The following TTLL5 variants were observed in gnomAD, a reference collection of about 807,000 sequenced individuals.
TTLL5 encodes tubulin tyrosine ligase like 5.
In TTLL5, 132 loss-of-function variants were observed where a neutral mutation model predicts 168.4. That is an observed-to-expected ratio of 0.78 (90% confidence interval 0.68 to 0.91). The LOEUF (loss-of-function observed/expected upper bound fraction) is 0.91. Among genes scored for constraint, TTLL5 ranks in the 40% least tolerant of loss-of-function variants. The pLI is 0.00. For synonymous variants in TTLL5, 546 were observed against 558.6 expected (o/e 0.98, Z 0.32); for missense variants, 1,545 against 1,581.5 (o/e 0.98, Z 0.39).
Position 75,776,658 on chromosome 14 carries a change from A to G in TTLL5, c.2284-89A>G, listed in dbSNP as rs1490170171. The stretch of plus-strand genomic sequence containing the variant: ...CTTTACTATAAGGACAGATTAACTC[A>G]AGGCTATTGAAACTACATGATGAAG... On this transcript the variant is annotated intron_variant, in intron 22 of 31. Transcript: ENST00000298832. 3.4e-6 allele frequency: 3 copies of G among 890,486 alleles called. No homozygotes were observed. In the African/African-American group the frequency reaches 5.0e-5, roughly 15 times the overall value. 55.2% of individuals were successfully genotyped at this position (890,486 alleles called of 1,614,324 possible). A position where few individuals can be genotyped will look rare whatever the true frequency, so the allele number is the denominator to read the frequency against.
chr14:75,788,169 G>GA (rs1892487634), intron 26 of TTLL5, among the ~76,000 whole-genome samples: 1 of 152,008 alleles, frequency 6.6e-6, no homozygotes, highest in Non-Finnish European at 1.5e-5. Context: ...ACTTATATTT[G>GA]AAAAGAAGAC....
chr14:75,884,832 A>G (rs2032015533), intron 30 of TTLL5, among the ~76,000 whole-genome samples: 1 of 151,938 alleles, frequency 6.6e-6, no homozygotes, highest in Non-Finnish European at 1.5e-5. Flanking sequence ...TCATCTGAAC[A>G]GTGAAAAGTT....
intron 7 of TTLL5, among the ~76,000 whole-genome samples, chr14:75,700,137 T>G (rs1566819314): frequency 6.6e-6 from 1 of 152,156 alleles, no homozygotes. Flanking sequence ...ACTCTTGGAC[T>G]TCTAAAGGGG....
chr14:75,707,510 T>C, intron 8 of TTLL5, 113 bp from the exon 9 acceptor site: 2 of 795,982 alleles, frequency 2.5e-6, no homozygotes, highest in East Asian at 5.3e-5. Flanking sequence ...GTGTGTTTCA[T>C]GTGGAGTGTA....
rs763428784 is a variant in TTLL5 at position 75,699,270 on chromosome 14, T to C, written c.585T>C (p.Asn195=). The C allele has an allele frequency of 2.2e-5, 35 of 1,613,510 alleles. No individual in the cohort carries two copies. Among genetic ancestry groups the C allele is most frequent in the Non-Finnish European group, 2.5e-5 (30 of 1,179,684 alleles). Residue 195 remains asparagine (N), a splice_region_variant and synonymous_variant, in exon 7 of 32, where the codon AAT becomes AAC. Coordinates refer to ENST00000298832, the MANE Select transcript of TTLL5 (RefSeq NM_015072.5). The part of the protein sequence containing the change: ...SRGRGVYLIN[N]PNQISLEENI... The stretch of plus-strand genomic sequence containing the variant: ...GGCGGGGCGTCTACCTGATCAACAA[T>C]GTAAGTATGCAGCAGATGGCAAACC...
chr14:75,876,405 C>T lies in TTLL5; in HGVS notation c.3523-6280C>T, dbSNP rs113244125. ...AACAATAGTTTCGAAATTTTTCTGT[C>T]CAGGTAAGCATCTGTCTTTGTATCC... On this transcript the variant is annotated intron_variant, in intron 29 of 31. Transcript: ENST00000298832. Among the ~76,000 whole-genome samples, 233 of 152,254 alleles carry T rather than the reference C, an allele frequency of 1.5e-3. 1 individual carries two copies. Among genetic ancestry groups the T allele is most frequent in the African/African-American group, 5.2e-3 (217 of 41,552 alleles).
Position 75,888,286 on chromosome 14 carries a change from A to G in TTLL5, c.3740+5384A>G, listed in dbSNP as rs150890571. ...GTGTCTCATTGGGGAGGAAAGCTAC[A>G]TGAGAGTCATGGAATGATGGGTCTT... On this transcript the variant is annotated intron_variant, in intron 30 of 31. Coordinates refer to ENST00000298832, the MANE Select transcript of TTLL5 (RefSeq NM_015072.5). 2.6e-5 allele frequency among the ~76,000 whole-genome samples: 4 copies of G among 152,330 alleles called. No individual in the cohort carries two copies. In the East Asian group the frequency reaches 5.8e-4, roughly 22 times the overall value.
intron 3 of TTLL5, among the ~76,000 whole-genome samples, chr14:75,677,325 G>A (rs1884240441): frequency 6.6e-6 from 1 of 151,402 alleles, no homozygotes; most frequent in Non-Finnish European, 1.5e-5. Context: ...GCTACAGGGA[G>A]GAAGTGGTAG....
chr14:75,919,381 A>G (rs1220021408), intron 31 of TTLL5, among the ~76,000 whole-genome samples: 3 of 152,152 alleles, frequency 2.0e-5, no homozygotes, highest in African/African-American at 7.2e-5. Flanking sequence ...TTTTAATCTA[A>G]TAGTGAATAT....
intron 31 of TTLL5, among the ~76,000 whole-genome samples, chr14:75,943,794 T>C (rs1423441593): frequency 6.6e-6 from 1 of 152,186 alleles, no homozygotes; most frequent in Non-Finnish European, 1.5e-5. Context: ...TTTTCTCATA[T>C]GTTTAGAGAA....
chr14:75,775,079 AAT>A (rs1173164508), intron 21 of TTLL5, among the ~76,000 whole-genome samples: 1 of 150,560 alleles, frequency 6.6e-6, no homozygotes, highest in Non-Finnish European at 1.5e-5. Flanking sequence ...TCTAAATATG[AAT>A]ATTTCTGTAT....
chr14:75,753,122 A>C (rs1029840468), intron 18 of TTLL5, among the ~76,000 whole-genome samples, 167 bp downstream of exon 18: 1 of 152,214 alleles, frequency 6.6e-6, no homozygotes, highest in African/African-American at 2.4e-5. Context: ...AGAATTTATC[A>C]TGAACTCTCA....
chr14:75,704,869 G>T (rs1356599857), intron 7 of TTLL5, among the ~76,000 whole-genome samples: 1 of 152,174 alleles, frequency 6.6e-6, no homozygotes, highest in Non-Finnish European at 1.5e-5. Flanking sequence ...GTAACTCAAA[G>T]GATAAATGTG....
intron 3 of TTLL5, among the ~76,000 whole-genome samples, chr14:75,669,743 A>T (rs8005753): frequency 0.6 from 88,602 of 148,228 alleles, 27,478 homozygotes; most frequent in Non-Finnish European, 0.69. Flanking sequence ...TTTTTTTTTT[A>T]ATTGTGGTAA....
intron 12 of TTLL5, among the ~76,000 whole-genome samples, chr14:75,726,068 A>G (rs1355202289): frequency 6.6e-6 from 1 of 152,202 alleles, no homozygotes; most frequent in Non-Finnish European, 1.5e-5. Context: ...CCATTGCCTC[A>G]GGGACCACAG....
At chr14:75,790,819 G>T (rs1441161586) in intron 26 of TTLL5, among the ~76,000 whole-genome samples, 1 of 150,242 alleles carries the variant, frequency 6.7e-6, no homozygotes, top group African/African-American at 2.4e-5. Flanking sequence ...TTTTGGGGCC[G>T]GGTGCGGTGG....
intron 15 of TTLL5, among the ~76,000 whole-genome samples, chr14:75,736,921 G>T (rs75812951): frequency 1.3e-5 from 2 of 152,166 alleles, no homozygotes; most frequent in Admixed American, 6.5e-5. Flanking sequence ...ATTAACCTAG[G>T]TGTACTAGAA....
intron 9 of TTLL5, chr14:75,709,392 G>T (rs1309284455): frequency 1.8e-6 from 1 of 555,296 alleles, no homozygotes; most frequent in Admixed American, 3.1e-5. Flanking sequence ...TCTGTGTTCC[G>T]TTCGCCTCTA....
At chr14:75,736,505 G>A (rs528483125) in intron 15 of TTLL5, among the ~76,000 whole-genome samples, 104 of 152,268 alleles carry the variant, frequency 6.8e-4, no homozygotes, top group African/African-American at 2.4e-3. Context: ...ATATGACTGA[G>A]GTAAACTGGA....
Sources: allele counts gnomAD v4.1 joint callset (sites outside exome capture counted in the v4.1 genomes callset), GRCh38; gene constraint gnomAD v4.1.1; transcripts MANE v1.5; gene names NCBI Gene and HGNC (gene_info 2026-07-23, HGNC 2026-07-21).